The following SETD5 variants were observed in gnomAD, a reference collection of about 807,000 sequenced individuals.
SETD5 encodes histone-lysine N-methyltransferase SETD5.
SETD5 carries 44 observed loss-of-function variants against 153.3 expected under a neutral mutation model. That is an observed-to-expected ratio of 0.29 (90% CI 0.23 to 0.37). The LOEUF (loss-of-function observed/expected upper bound fraction) is 0.37. SETD5 is among the 10% of genes least tolerant of loss of function. SETD5 has a pLI of 1.00. For synonymous variants in SETD5, 716 were observed against 645.2 expected (o/e 1.11, Z -1.66); for missense variants, 1,544 against 1,768.0 (o/e 0.87, Z 2.27).
chr3:9,457,443 C>T (rs1559460420), intron 17 of SETD5, among the ~76,000 whole-genome samples: 4 of 151,980 alleles, frequency 2.6e-5, no homozygotes, highest in South Asian at 2.1e-4. Context: ...GCTGAGATCG[C>T]GCCACTGCAC....
chr3:9,436,989 T>C, intron 7 of SETD5: 1 of 1,052,432 alleles, frequency 9.5e-7, no homozygotes, highest in Non-Finnish European at 1.4e-6. Flanking sequence ...TCTTGGACTC[T>C]GCTTTTCATT....
intron 18 of SETD5, among the ~76,000 whole-genome samples, chr3:9,470,177 G>T (rs764868548): frequency 1.3e-5 from 2 of 152,136 alleles, no homozygotes; most frequent in Admixed American, 6.5e-5. Flanking sequence ...GGCTAAGCAG[G>T]CAAAATAGTC....
chr3:9,407,914 C>T (rs537671564), intron 1 of SETD5, among the ~76,000 whole-genome samples: 3 of 151,976 alleles, frequency 2.0e-5, no homozygotes, highest in South Asian at 2.1e-4. Context: ...GCAGGAGAAT[C>T]GCTCGAACCC....
rs1246697213 is a variant in SETD5, at chr3:9,473,279, A to G, written c.3239A>G (p.Glu1080Gly). 1 of 1,613,744 alleles carries G rather than the reference A, an allele frequency of 6.2e-7. No homozygotes were observed. Among genetic ancestry groups the G allele is most frequent in the East Asian group, 2.2e-5 (1 of 44,888 alleles). Residue 1080 changes from glutamate (E) to glycine (G), a missense_variant, in exon 20 of 23, where the codon GAA becomes GGA. By Grantham distance (98) the Glu-to-Gly change is moderately conservative. Transcript: ENST00000402198. ...CGAAAACGGAAACAAGAAGCTAAGG[A>G]AAATTCTGCTGGTGGGGGAGGTGAC... Reference protein sequence around the residue: ...EYRKRKQEAKENSAGGGGDSA... With the variant: ...EYRKRKQEAKGNSAGGGGDSA...
At chr3:9,401,171 A>T (rs1172787739) in intron 1 of SETD5, among the ~76,000 whole-genome samples, 2 of 152,258 alleles carry the variant, frequency 1.3e-5, no homozygotes, top group Non-Finnish European at 2.9e-5. Context: ...CCAATGAAAC[A>T]GAACCTTTAA....
intron 1 of SETD5, among the ~76,000 whole-genome samples, chr3:9,403,654 C>T (rs1366164074): frequency 6.6e-6 from 1 of 152,122 alleles, no homozygotes; most frequent in Non-Finnish European, 1.5e-5. Flanking sequence ...ATTACTCCCT[C>T]CCCCACCTTT....
At chr3:9,418,381 G>C (rs904302859) in intron 1 of SETD5, among the ~76,000 whole-genome samples, 43 of 152,114 alleles carry the variant, frequency 2.8e-4, no homozygotes, top group African/African-American at 1.0e-3. Context: ...TCTATTAAAA[G>C]AATTAAAGGT....
chr3:9,464,397 A>C, intron 17 of SETD5, 28 bp from the exon 18 acceptor site: 1 of 1,593,730 alleles, frequency 6.3e-7, no homozygotes, highest in Non-Finnish European at 8.6e-7. Context: ...GTGGTTTCAA[A>C]CTCTCATCCA....
chr3:9,431,758 A>G, intron 3 of SETD5: 1 of 978,184 alleles, frequency 1.0e-6, no homozygotes, highest in Non-Finnish European at 1.2e-6. Flanking sequence ...GAGATGGGTA[A>G]GATACAACCA....
intron 1 of SETD5, among the ~76,000 whole-genome samples, chr3:9,418,580 A>G (rs1390536176): frequency 6.6e-6 from 1 of 152,036 alleles, no homozygotes; most frequent in Non-Finnish European, 1.5e-5. Flanking sequence ...AAGCAGGCAG[A>G]TCACCTGAGC....
At chr3:9,471,877 G>T (rs189967516) in intron 19 of SETD5, among the ~76,000 whole-genome samples, 41 of 152,196 alleles carry the variant, frequency 2.7e-4, no homozygotes, top group African/African-American at 9.2e-4. Context: ...AAACCTAGTG[G>T]TTTTTTTATA....
Position 9,435,912 on chromosome 3 carries a change from C to T in SETD5, c.567+6C>T, listed in dbSNP as rs1303311742. ...CAAAGACGAAGAAAATCAAGGTATGCAGGGTAAAAATATCTTAAATAGAAA... is the reference window on the plus strand; with the variant it reads ...CAAAGACGAAGAAAATCAAGGTATGTAGGGTAAAAATATCTTAAATAGAAA... On this transcript the variant is annotated splice_donor_region_variant and intron_variant, in intron 7 of 22. Coordinates refer to ENST00000402198, the MANE Select transcript of SETD5 (RefSeq NM_001080517.3). 21 of 1,564,718 alleles carry T rather than the reference C, an allele frequency of 1.3e-5. No individual in the cohort carries two copies. The highest frequency in any genetic ancestry group is 1.8e-5 in the Non-Finnish European group (21 of 1,156,700).
chr3:9,465,118 G>T (rs1016514491), intron 18 of SETD5, among the ~76,000 whole-genome samples: 1 of 152,146 alleles, frequency 6.6e-6, no homozygotes, highest in African/African-American at 2.4e-5. Context: ...AGGTTGTTTG[G>T]TATTTTCATT....
chr3:9,475,068 A>G lies in SETD5; in HGVS notation c.3632A>G (p.Asp1211Gly). The change falls in exon 22 of 23, where the codon GAC becomes GGC. Residue 1211 changes from aspartate (D) to glycine (G), a missense_variant and splice_region_variant. Physicochemically the swap from Asp to Gly is moderately conservative, Grantham distance 94. Coordinates refer to ENST00000402198, the MANE Select transcript of SETD5 (RefSeq NM_001080517.3). ...WESNITEKDS[D>G]PADGEGPETL... ...TTTTTTTATATATGTTACCTTCCAG[A>G]CCCTGCAGATGGAGAAGGCCCAGAG... 1 of 1,579,186 alleles carries G rather than the reference A, an allele frequency of 6.3e-7. No homozygotes were observed. The highest frequency in any genetic ancestry group is 8.6e-7 in the Non-Finnish European group (1 of 1,162,670).
At chr3:9,406,831 TA>T in intron 1 of SETD5, among the ~76,000 whole-genome samples, 1 of 152,308 alleles carries the variant, frequency 6.6e-6, no homozygotes, top group South Asian at 2.1e-4. Context: ...ACCAAATTGT[TA>T]CACATTTTAA....
At chr3:9,470,347 T>C (rs2045158573) in intron 18 of SETD5, 112 bp from the exon 19 acceptor site, 2 of 788,674 alleles carry the variant, frequency 2.5e-6, no homozygotes, top group Non-Finnish European at 4.3e-6. Context: ...CTGCTCTACT[T>C]CCGTCCCTCT....
chr3:9,412,387 G>GTT (rs370566998), intron 1 of SETD5, among the ~76,000 whole-genome samples: 1,193 of 89,456 alleles, frequency 0.013, 44 homozygotes, highest in African/African-American at 0.019. Context: ...ACAGTTTTGG[G>GTT]TTTTTTTTTT....
intron 1 of SETD5, among the ~76,000 whole-genome samples, chr3:9,417,449 T>A (rs2037634283): frequency 6.6e-6 from 1 of 152,130 alleles, no homozygotes; most frequent in African/African-American, 2.4e-5. Context: ...CCATATTTTG[T>A]CTCCTGTCTT....
In SETD5 at chr3:9,445,701, G is replaced by C; in HGVS notation, c.1485G>C (p.Glu495Asp). The part of the protein sequence containing the change: ...PEEKPEEEKE[E>D]VIDDQENLAH... The stretch of plus-strand genomic sequence containing the variant: ...AAAAACCAGAAGAAGAGAAAGAAGA[G>C]GTTATAGATGACCAGGAGAACCTAG... The change falls in exon 13 of 23, where the codon GAG (glutamate) becomes GAC (aspartate). Residue 495 changes from glutamate (E) to aspartate (D), a missense_variant. By Grantham distance (45) the Glu-to-Asp change is conservative. This residue lies in a region of SETD5 where 782 missense variants were observed against 787.2 expected (regional missense o/e 0.99). Transcript: ENST00000402198. 6.2e-7 allele frequency: 1 copy of C among 1,613,580 alleles called. No individual in the cohort carries two copies. The highest frequency in any genetic ancestry group is 8.5e-7 in the Non-Finnish European group (1 of 1,179,714).
Sources: allele counts gnomAD v4.1 joint callset (sites outside exome capture counted in the v4.1 genomes callset), GRCh38; gene constraint gnomAD v4.1.1; regional missense constraint gnomAD v4.1.1; transcripts MANE v1.5; gene names NCBI Gene and HGNC (gene_info 2026-07-23, HGNC 2026-07-21).